Variants in SLC16A10 observed in about 807,000 individuals in gnomAD.
The protein encoded by SLC16A10 is monocarboxylate transporter 10.
SLC16A10 carries 27 observed loss-of-function variants against 40.0 expected under a neutral mutation model. The ratio of observed to expected loss-of-function variants is 0.67; its 90% CI spans 0.50 to 0.93. The LOEUF is 0.93. Ranked by LOEUF, SLC16A10 falls within the 40% of genes least tolerant of loss-of-function variation. The pLI is 0.00. For synonymous variants in SLC16A10, 213 were observed against 249.8 expected, an observed-to-expected ratio of 0.85 and a Z score of 1.39; for missense variants, 529 against 658.2, an observed-to-expected ratio of 0.80 and a Z score of 2.15.
intron 4 of SLC16A10, among the ~76,000 whole-genome samples, chr6:111,207,627 G>A (rs1024783378): frequency 1.3e-5 from 2 of 152,208 alleles, no homozygotes; most frequent in African/African-American, 4.8e-5. Context: ...GAGTGCCATA[G>A]CAACACAGGC....
At chr6:111,124,607 C>T (rs1771641793) in intron 1 of SLC16A10, among the ~76,000 whole-genome samples, 1 of 152,170 alleles carries the variant, frequency 6.6e-6, no homozygotes, top group African/African-American at 2.4e-5. Context: ...GGGCCATCTG[C>T]CCGCCTTGGC....
intron 1 of SLC16A10, among the ~76,000 whole-genome samples, chr6:111,133,393 G>A (rs1038344796): frequency 5.9e-5 from 9 of 152,058 alleles, no homozygotes; most frequent in African/African-American, 2.2e-4. Context: ...TCCCCCCAAG[G>A]CAAAAATGCC....
At chr6:111,128,941 TAA>T (rs1361605832) in intron 1 of SLC16A10, among the ~76,000 whole-genome samples, 2 of 127,744 alleles carry the variant, frequency 1.6e-5, no homozygotes, top group Non-Finnish European at 3.8e-5. Context: ...TATTCAAAAA[TAA>T]AACAATTTTC....
chr6:111,088,048 T>G lies in SLC16A10; in HGVS notation c.296T>G (p.Leu99Arg), dbSNP rs1368302116. ...TGCGGGGTGCTCTTCGTGTCCATGC[T>G]GGAAACCTTCGGCTCCAAAGACGAT... ...NACGVLFVSM[L>R]ETFGSKDDDK... is the part of the protein sequence containing the mutation. The change falls in exon 1 of 6, where the codon CTG (leucine) becomes CGG (arginine). Residue 99 changes from leucine (L) to arginine (R), a missense_variant. Transcript: ENST00000368851. 1 of 1,608,878 alleles carries G rather than the reference T, an allele frequency of 6.2e-7. No individual in the cohort carries two copies. Among genetic ancestry groups the G allele is most frequent in the African/African-American group, 1.3e-5 (1 of 74,640 alleles).
At chr6:111,210,746 G>T (rs1773331821) in intron 4 of SLC16A10, among the ~76,000 whole-genome samples, 1 of 152,302 alleles carries the variant, frequency 6.6e-6, no homozygotes, top group East Asian at 1.9e-4. Context: ...TTTAAGAGTA[G>T]TGGATTTTGG....
At chr6:111,201,303 G>A (rs545055108) in intron 3 of SLC16A10, among the ~76,000 whole-genome samples, 1 of 152,140 alleles carries the variant, frequency 6.6e-6, no homozygotes, top group Non-Finnish European at 1.5e-5. Flanking sequence ...CTACTGGGTG[G>A]GGGTAGAGGG....
chr6:111,157,068 G>A (rs1583333534), intron 1 of SLC16A10, among the ~76,000 whole-genome samples: 1 of 151,906 alleles, frequency 6.6e-6, no homozygotes, highest in Non-Finnish European at 1.5e-5. Flanking sequence ...ACAGGCACGC[G>A]CCACCACACC....
intron 1 of SLC16A10, among the ~76,000 whole-genome samples, chr6:111,161,419 C>T (rs531207881): frequency 1.3e-5 from 2 of 152,040 alleles, no homozygotes; most frequent in South Asian, 2.1e-4. Flanking sequence ...CGTTCCTACA[C>T]CCCTATCTGC....
At chr6:111,125,486 A>T (rs1771659355) in intron 1 of SLC16A10, among the ~76,000 whole-genome samples, 1 of 152,102 alleles carries the variant, frequency 6.6e-6, no homozygotes, top group South Asian at 2.1e-4. Context: ...AAAAACTCTG[A>T]CTTAATGAGT....
chr6:111,128,362 C>T (rs1012670685), intron 1 of SLC16A10, among the ~76,000 whole-genome samples: 6 of 152,028 alleles, frequency 3.9e-5, no homozygotes, highest in Admixed American at 3.9e-4. Context: ...TCAGTGATGC[C>T]AGGGTTCAAA....
intron 3 of SLC16A10, among the ~76,000 whole-genome samples, chr6:111,182,349 T>A (rs1772814338): frequency 7.9e-6 from 1 of 126,414 alleles, no homozygotes; most frequent in Non-Finnish European, 1.6e-5. Flanking sequence ...TAACGGCTCC[T>A]CTGACTCCTC....
chr6:111,133,949 A>G (rs1771831100), intron 1 of SLC16A10, among the ~76,000 whole-genome samples: 1 of 152,226 alleles, frequency 6.6e-6, no homozygotes, highest in Non-Finnish European at 1.5e-5. Context: ...TGATGGCTAT[A>G]TTGATGTTTT....
chr6:111,223,433 A>G lies in SLC16A10; in HGVS notation c.*1198A>G, dbSNP rs1770938939. 2 of 152,112 alleles carry G rather than the reference A, an allele frequency of 1.3e-5. No individual in the cohort carries two copies. The highest frequency in any genetic ancestry group is 4.8e-5 in the African/African-American group (2 of 41,422). The allele number at this position is 152,112 out of a possible 1,614,324, so 9.4% of individuals were successfully genotyped here. ...AAACCAAAGTCATGCCATGACCCATACTCATTTACAAAAACAAGAACACTT... is the reference window on the plus strand; with the variant it reads ...AAACCAAAGTCATGCCATGACCCATGCTCATTTACAAAAACAAGAACACTT... On this transcript the variant is annotated 3_prime_UTR_variant, in exon 6 of 6. Transcript: ENST00000368851.
intron 1 of SLC16A10, among the ~76,000 whole-genome samples, chr6:111,153,787 G>C (rs1478344801): frequency 6.6e-6 from 1 of 152,206 alleles, no homozygotes; most frequent in Non-Finnish European, 1.5e-5. Context: ...CCATGTGGCA[G>C]GTTCTCAAGA....
chr6:111,188,275 C>CCTTCTTTCT (rs1772933287), intron 3 of SLC16A10, among the ~76,000 whole-genome samples: 1 of 143,042 alleles, frequency 7.0e-6, no homozygotes, highest in Non-Finnish European at 1.5e-5. Context: ...CTCTCCCTCT[C>CCTTCTTTCT]TCCCTCCCTT....
At chr6:111,118,866 T>A (rs944648774) in intron 1 of SLC16A10, among the ~76,000 whole-genome samples, 12 of 152,154 alleles carry the variant, frequency 7.9e-5, no homozygotes, top group African/African-American at 2.7e-4. Context: ...AATATTTTCA[T>A]GCTTATTCAG....
At chr6:111,124,787 G>A (rs1222826384) in intron 1 of SLC16A10, among the ~76,000 whole-genome samples, 5 of 152,182 alleles carry the variant, frequency 3.3e-5, no homozygotes, top group Admixed American at 3.3e-4. Context: ...CAAACATGAA[G>A]TAAAAAGTTC....
intron 1 of SLC16A10, among the ~76,000 whole-genome samples, chr6:111,134,508 T>G (rs1771841758): frequency 6.6e-6 from 1 of 151,910 alleles, no homozygotes; most frequent in Non-Finnish European, 1.5e-5. Flanking sequence ...GCAACCTCGG[T>G]TTTTTATAAT....
Position 111,177,373 on chromosome 6 carries a change from T to C in SLC16A10, c.650T>C (p.Leu217Pro). The change falls in exon 3 of 6, where the codon CTG (leucine) becomes CCG (proline). Residue 217 changes from leucine to proline, a missense_variant. Coordinates refer to ENST00000368851, the MANE Select transcript of SLC16A10 (RefSeq NM_018593.5). ...GGCAGCAGTGTCTTCACAATCCTGC[T>C]GCCTTTGCTCTTAAGGGTTCTGATT... ...TAGSSVFTIL[L>P]PLLLRVLIDS... The C allele has an allele frequency of 6.2e-7, 1 of 1,613,958 alleles. No homozygotes were observed. Among genetic ancestry groups the C allele is most frequent in the Non-Finnish European group, 8.5e-7 (1 of 1,179,960 alleles).
Sources: allele counts gnomAD v4.1 joint callset (sites outside exome capture counted in the v4.1 genomes callset), GRCh38; gene constraint gnomAD v4.1.1; transcripts MANE v1.5; gene names NCBI Gene and HGNC (gene_info 2026-07-23, HGNC 2026-07-21).